ATP1A4: variants seen among roughly 807,000 people sequenced by gnomAD.
The protein encoded by ATP1A4 is sodium/potassium-transporting ATPase subunit alpha-4.
In ATP1A4, 90 loss-of-function variants were observed where a neutral mutation model predicts 114.3. The ratio of observed to expected loss-of-function variants is 0.79; its 90% CI spans 0.66 to 0.94. The LOEUF (loss-of-function observed/expected upper bound fraction) is 0.94, where lower values mean the gene tolerates loss of function less well. ATP1A4 is among the 40% of genes least tolerant of loss of function. ATP1A4 has a pLI of 0.00. For synonymous variants in ATP1A4, 511 were observed against 494.1 expected (o/e 1.03, Z -0.45); for missense variants, 1,222 against 1,313.6 (o/e 0.93, Z 1.08).
rs1443275615 is a variant in ATP1A4, at chr1:160,171,358, G to T, written c.1599G>T (p.Gln533His). Reference sequence around the variant, plus strand: ...GTTCTACCTTTCTTCTGAATGGGCAGGAGTACTCAATGAACGATGAAATGA... The same window carrying T: ...GTTCTACCTTTCTTCTGAATGGGCATGAGTACTCAATGAACGATGAAATGA... The part of the protein sequence containing the change: ...EFCSTFLLNG[Q>H]EYSMNDEMKE... Residue 533 changes from glutamine to histidine, a missense_variant, in exon 11 of 22, where the codon CAG becomes CAT. Coordinates refer to ENST00000368081, the MANE Select transcript of ATP1A4 (RefSeq NM_144699.4). 1 of 1,613,998 alleles carries T rather than the reference G, an allele frequency of 6.2e-7. No individual in the cohort carries two copies. Among genetic ancestry groups the T allele is most frequent in the African/African-American group, 1.3e-5 (1 of 74,896 alleles).
At position 160,173,597 on chromosome 1, in the gene ATP1A4, G is replaced by A; in HGVS notation, c.1871G>A (p.Gly624Glu). The change falls in exon 13 of 22, where the codon GGA (glycine) becomes GAA (glutamate). Residue 624 changes from glycine to glutamate, a missense_variant. Coordinates refer to ENST00000368081, the MANE Select transcript of ATP1A4 (RefSeq NM_144699.4). Reference sequence around the variant, plus strand: ...CCAACCCAGGTGATCATGGTAACAGGAGATCATCCCATTACAGCTAAGGCC... The same window carrying A: ...CCAACCCAGGTGATCATGGTAACAGAAGATCATCCCATTACAGCTAAGGCC... The part of the protein sequence containing the change: ...SAGIKVIMVT[G>E]DHPITAKAIA... 2.5e-6 allele frequency: 4 copies of A among 1,614,068 alleles called. No individual in the cohort carries two copies. The highest frequency in any genetic ancestry group is 3.4e-6 in the Non-Finnish European group (4 of 1,179,966).
intron 4 of ATP1A4, among the ~76,000 whole-genome samples, chr1:160,157,511 G>A (rs1652712769): frequency 6.6e-6 from 1 of 152,236 alleles, no homozygotes; most frequent in Admixed American, 6.5e-5. Context: ...TGCGTTAAAG[G>A]ATGTATTGGG....
At chr1:160,181,097 T>C (rs1198076136) in intron 18 of ATP1A4, among the ~76,000 whole-genome samples, 1 of 152,154 alleles carries the variant, frequency 6.6e-6, no homozygotes, top group Non-Finnish European at 1.5e-5. Flanking sequence ...CCATGCTACA[T>C]GCCATCCACC....
At chr1:160,181,131 T>C (rs1054919436) in intron 18 of ATP1A4, among the ~76,000 whole-genome samples, 1 of 152,140 alleles carries the variant, frequency 6.6e-6, no homozygotes, top group Non-Finnish European at 1.5e-5. Flanking sequence ...GGAGAGGACA[T>C]AAAGCTAAAT....
At chr1:160,173,553 C>T in intron 12 of ATP1A4, 28 bp from the exon 13 acceptor site, 2 of 1,607,730 alleles carry the variant, frequency 1.2e-6, no homozygotes, top group Non-Finnish European at 1.7e-6. Context: ...GATGATTCTG[C>T]TCCTCTTCCC....
At position 160,180,217 on chromosome 1, in the gene ATP1A4, C is replaced by A. The variant is rs551671864; in HGVS notation, c.2737-1467C>A. Among the ~76,000 whole-genome samples, 5 of 152,306 alleles carry A rather than the reference C, an allele frequency of 3.3e-5. No homozygotes were observed. The East Asian group carries it at 9.6e-4, about 29-fold the overall frequency. ...TTGGTCTTATTCTAAGTTCCATGCT[C>A]GGCTCATCAATTTCCAGCCTTTGTG... On this transcript the variant is annotated intron_variant, in intron 18 of 21. Transcript: ENST00000368081.
chr1:160,172,762 G>A (rs1186330597), intron 12 of ATP1A4, among the ~76,000 whole-genome samples: 2 of 152,190 alleles, frequency 1.3e-5, no homozygotes, highest in Non-Finnish European at 2.9e-5. Context: ...TGTTAGACCT[G>A]TGACTGTTGG....
intron 21 of ATP1A4, 142 bp from the exon 22 acceptor site, chr1:160,186,529 C>A: frequency 9.2e-7 from 1 of 1,091,078 alleles, no homozygotes; most frequent in Non-Finnish European, 1.4e-6. Flanking sequence ...CTTGGCTGCA[C>A]CCCTCTGCTC....
chr1:160,159,058 G>T lies in ATP1A4; in HGVS notation c.582G>T (p.Val194=), dbSNP rs1391537672. ...EKMQINVQEV[V]LGDLVEIKGG... The stretch of plus-strand genomic sequence containing the variant: ...TGCAAATTAATGTACAAGAGGTGGT[G>T]TTGGGAGACCTGGTGGAAATCAAGG... The change falls in exon 5 of 22, where the codon GTG becomes GTT. Residue 194 remains valine (V), a synonymous_variant. Transcript: ENST00000368081. 6.2e-7 allele frequency: 1 copy of T among 1,614,032 alleles called. No individual in the cohort carries two copies. Among genetic ancestry groups the T allele is most frequent in the African/African-American group, 1.3e-5 (1 of 74,924 alleles).
In ATP1A4 at chr1:160,152,077, C is replaced by A. The variant is rs769059748; in HGVS notation, c.37C>A (p.His13Asn). 10 of 1,613,942 alleles carry A rather than the reference C, an allele frequency of 6.2e-6. No individual in the cohort carries two copies. Among genetic ancestry groups the A allele is most frequent in the Non-Finnish European group, 6.8e-6 (8 of 1,179,962 alleles). The change falls in exon 1 of 22, where the codon CAT becomes AAT. Residue 13 changes from histidine (H) to asparagine (N), a missense_variant. His to Asn is a moderately conservative substitution (Grantham distance 68). Transcript: ENST00000368081. ...LWGKKGTVAP[H>N]DQSPRRRPKK... ...GGGGAAGAAAGGGACAGTGGCTCCC[C>A]ATGACCAGAGTCCAAGACGAAGACC...
chr1:160,176,219 C>T lies in ATP1A4; in HGVS notation c.2439C>T (p.Ile813=). The change falls in exon 16 of 22, where the codon ATC becomes ATT. Residue 813 remains isoleucine, a synonymous_variant. Transcript: ENST00000368081. The part of the protein sequence containing the change: ...GIPLPLGTIT[I]LCIDLGTDMV... ...CCCTGCCTCTGGGAACCATAACCATCCTCTGCATTGATCTCGGCACTGACA... is the reference window on the plus strand; with the variant it reads ...CCCTGCCTCTGGGAACCATAACCATTCTCTGCATTGATCTCGGCACTGACA... 2.5e-6 allele frequency: 4 copies of T among 1,614,120 alleles called. No homozygotes were observed. In the South Asian group the frequency reaches 4.4e-5, roughly 18 times the overall value.
chr1:160,183,072 T>C (rs1653765653), intron 20 of ATP1A4: 1 of 152,256 alleles, frequency 6.6e-6, no homozygotes, highest in African/African-American at 2.4e-5. Context: ...ACTCAATTAA[T>C]GTTTAATAGG....
intron 18 of ATP1A4, 53 bp downstream of exon 18, chr1:160,177,717 G>A: frequency 6.3e-7 from 1 of 1,594,516 alleles, no homozygotes; most frequent in African/African-American, 1.3e-5. Flanking sequence ...GAGAGTGACA[G>A]GGGAGAGTGA....
chr1:160,165,307 A>G (rs895572091), intron 7 of ATP1A4, among the ~76,000 whole-genome samples: 2 of 152,254 alleles, frequency 1.3e-5, no homozygotes, highest in African/African-American at 4.8e-5. Context: ...CCATACTTAG[A>G]TAACCACAGC....
In ATP1A4 at chr1:160,155,174, T is replaced by G; in HGVS notation, c.337T>G (p.Trp113Gly). The change falls in exon 3 of 22, where the codon TGG becomes GGG. Residue 113 changes from tryptophan (W) to glycine (G), a missense_variant. Coordinates refer to ENST00000368081, the MANE Select transcript of ATP1A4 (RefSeq NM_144699.4). The part of the protein sequence containing the change: ...QLFGGFSLLL[W>G]TGAILCFVAY... ...GTTCGGAGGCTTCTCCCTCCTACTA[T>G]GGACTGGGGCCATTCTCTGCTTTGT... 1 of 1,612,828 alleles carries G rather than the reference T, an allele frequency of 6.2e-7. No individual in the cohort carries two copies. Among genetic ancestry groups the G allele is most frequent in the Non-Finnish European group, 8.5e-7 (1 of 1,179,342 alleles).
rs368526823 is a variant in ATP1A4 at position 160,155,846 on chromosome 1, C to T, written c.412-199C>T. Among the ~76,000 whole-genome samples, 11 of 152,286 alleles carry T rather than the reference C, an allele frequency of 7.2e-5. No individual in the cohort carries two copies. The East Asian group carries it at 2.1e-3, about 29-fold the overall frequency. ...CTGACCAGGAATTTTGCTGACGGCT[C>T]ACCATGGCTCAGGGTTCCTTCCCCA... On this transcript the variant is annotated intron_variant, in intron 3 of 21. Coordinates refer to ENST00000368081, the MANE Select transcript of ATP1A4 (RefSeq NM_144699.4).
rs1430857770 is a variant in ATP1A4, at chr1:160,171,154, A to C, written c.1492-97A>C. On this transcript the variant is annotated intron_variant, in intron 10 of 21. Coordinates refer to ENST00000368081, the MANE Select transcript of ATP1A4 (RefSeq NM_144699.4). ...AGGGAACAAAAGAAATGGGGGTATG[A>C]AACACATTTTTTTACCTTTGAAACC... The C allele has an allele frequency of 7.8e-5, 91 of 1,173,220 alleles. No individual in the cohort carries two copies. The East Asian group carries it at 2.1e-3, about 27-fold the overall frequency. The allele number at this position is 1,173,220 out of a possible 1,614,324, so 72.7% of individuals were successfully genotyped here.
intron 18 of ATP1A4, among the ~76,000 whole-genome samples, chr1:160,179,131 G>C (rs541002089): frequency 6.6e-6 from 1 of 152,292 alleles, no homozygotes; most frequent in South Asian, 2.1e-4. Context: ...CCAATTGCAG[G>C]TTTCTCAAAT....
chr1:160,166,869 C>A, intron 8 of ATP1A4, 99 bp from the exon 9 acceptor site: 2 of 1,493,772 alleles, frequency 1.3e-6, no homozygotes, highest in Non-Finnish European at 1.8e-6. Context: ...AAAAGAAATG[C>A]TGCTCCTGTG....
Sources: gnomAD v4.1 joint callset for allele counts (sites outside exome capture counted in the v4.1 genomes callset) on GRCh38, gnomAD v4.1.1 for gene constraint, MANE v1.5 for transcripts, NCBI Gene and HGNC (gene_info 2026-07-23, HGNC 2026-07-21) for gene names.